The following ARHGEF10L variants were observed in gnomAD, a reference collection of about 807,000 sequenced individuals.
ARHGEF10L encodes the protein Rho guanine nucleotide exchange factor 10 like.
A neutral mutation model predicts 141.2 loss-of-function variants in ARHGEF10L; 69 were observed. That is an observed-to-expected ratio of 0.49 (90% CI 0.40 to 0.60). ARHGEF10L has a LOEUF of 0.60. Among genes scored for constraint, ARHGEF10L ranks in the 20% least tolerant of loss-of-function variants. The pLI is 0.00. For synonymous variants in ARHGEF10L, 711 were observed against 718.5 expected (o/e 0.99, Z 0.17); for missense variants, 1,482 against 1,734.3 (o/e 0.85, Z 2.58).
At chr1:17,648,800 A>C in intron 22 of ARHGEF10L, 125 bp downstream of exon 22, 1 of 1,350,716 alleles carries the variant, frequency 7.4e-7, no homozygotes, top group Non-Finnish European at 9.8e-7. Flanking sequence ...TGTGGCTTCT[A>C]AATTCTTACT....
chr1:17,536,643 T>C (rs980809794), upstream of ARHGEF10L, among the ~76,000 whole-genome samples: 1 of 152,164 alleles, frequency 6.6e-6, no homozygotes, highest in Non-Finnish European at 1.5e-5. Context: ...TGTCACTCTT[T>C]CTCGCCAGAG....
chr1:17,643,527 C>T (rs2061432830), intron 21 of ARHGEF10L, among the ~76,000 whole-genome samples: 1 of 152,190 alleles, frequency 6.6e-6, no homozygotes, highest in African/African-American at 2.4e-5. Context: ...CATTCTTTGG[C>T]ACACAGGAAG....
intron 4 of ARHGEF10L, among the ~76,000 whole-genome samples, chr1:17,594,257 C>T (rs1333574006): frequency 6.6e-6 from 1 of 152,036 alleles, no homozygotes; most frequent in Non-Finnish European, 1.5e-5. Flanking sequence ...AATCTGCATT[C>T]TAGAGATGTG....
In ARHGEF10L at chr1:17,639,743, C is replaced by G; in HGVS notation, c.2172-459C>G. On this transcript the variant is annotated intron_variant, in intron 20 of 28. Transcript: ENST00000361221. This position sits in a 1 kb window ranked among gnomAD's most constrained non-coding sequence, Gnocchi z 4.3. ...TGATTCATTCATTTCTTCATTCATT[C>G]CTGTGTCCACTCAGCAAACATTTAC... The G allele has an allele frequency of 4.9e-6, 4 of 810,084 alleles. No homozygotes were observed. The South Asian group carries it at 5.6e-5, about 11-fold the overall frequency. The allele number at this position is 810,084 out of a possible 1,614,324, so 50.2% of individuals were successfully genotyped here. A position where few individuals can be genotyped will look rare whatever the true frequency, so the allele number is the denominator to read the frequency against.
chr1:17,565,018 G>A (rs1557713314), intron 1 of ARHGEF10L, among the ~76,000 whole-genome samples: 1 of 152,182 alleles, frequency 6.6e-6, no homozygotes. Flanking sequence ...GTAACGAAAT[G>A]CCGTGACTCT....
chr1:17,648,210 T>C (rs1296967157), intron 21 of ARHGEF10L, among the ~76,000 whole-genome samples: 3 of 152,216 alleles, frequency 2.0e-5, no homozygotes, highest in Non-Finnish European at 4.4e-5. Flanking sequence ...TATTATTTCA[T>C]TTGGTCCTCA....
intron 25 of ARHGEF10L, among the ~76,000 whole-genome samples, chr1:17,657,433 C>T (rs1281086302): frequency 2.0e-5 from 3 of 152,164 alleles, no homozygotes; most frequent in Admixed American, 1.3e-4. Flanking sequence ...TGTTCAGCCC[C>T]GATTTGATGA....
At chr1:17,642,045 T>C (rs1042852844) in intron 21 of ARHGEF10L, among the ~76,000 whole-genome samples, 3 of 150,416 alleles carry the variant, frequency 2.0e-5, no homozygotes, top group South Asian at 4.2e-4. Flanking sequence ...TTTTCATTAA[T>C]GGAAAAAACT....
Position 17,656,721 on chromosome 1 carries a change from G to A in ARHGEF10L, c.2860+13G>A. 6.2e-7 allele frequency: 1 copy of A among 1,606,822 alleles called. No individual in the cohort carries two copies. Among genetic ancestry groups the A allele is most frequent in the South Asian group, 1.1e-5 (1 of 90,406 alleles). On this transcript the variant is annotated intron_variant, in intron 25 of 28. Coordinates refer to ENST00000361221, the MANE Select transcript of ARHGEF10L (RefSeq NM_018125.4). This position sits in a 1 kb window ranked among gnomAD's most constrained non-coding sequence, Gnocchi z 4.9. ...CCTCGGACCAGCGGTGAGGACTGGG[G>A]GGAATGGGGGAAGGGGGGCAGTCCT...
chr1:17,648,540 T>C lies in ARHGEF10L; in HGVS notation c.2273-14T>C, dbSNP rs985778518. On this transcript the variant is annotated splice_polypyrimidine_tract_variant and intron_variant, in intron 21 of 28. Transcript: ENST00000361221. ...CTCTGACCAGCTCTACCCACCTCCT[T>C]CCTCTTGCTGTAGGGGAGGAGAACC... 8.7e-6 allele frequency: 14 copies of C among 1,613,272 alleles called. No individual in the cohort carries two copies. The highest frequency in any genetic ancestry group is 1.3e-5 in the African/African-American group (1 of 74,906).
At chr1:17,655,793 G>T in intron 23 of ARHGEF10L, 86 bp from the exon 24 acceptor site, 2 of 1,233,720 alleles carry the variant, frequency 1.6e-6, no homozygotes, top group South Asian at 1.4e-5. Context: ...CAGGGGATGG[G>T]GTCCTTGGGA....
chr1:17,531,891 C>A, the ARHGEF10L span, among the ~76,000 whole-genome samples: 320 of 152,326 alleles, frequency 2.1e-3, 1 homozygote, highest in African/African-American at 7.3e-3. Context: ...CCTCCCCGCC[C>A]TGGGCAGTGA....
At chr1:17,630,937 T>A (rs1025423174) in intron 15 of ARHGEF10L, among the ~76,000 whole-genome samples, 1 of 149,796 alleles carries the variant, frequency 6.7e-6, no homozygotes, top group Non-Finnish European at 1.5e-5. Context: ...TTTTTCTCTC[T>A]GGGGAGGCTC....
At chr1:17,596,859 C>T (rs748858063) in intron 4 of ARHGEF10L, among the ~76,000 whole-genome samples, 5 of 152,206 alleles carry the variant, frequency 3.3e-5, no homozygotes, top group Non-Finnish European at 4.4e-5. Context: ...CAAGACCAGC[C>T]TGGCCAACAT....
rs774983361 is a variant in ARHGEF10L, at chr1:17,664,417, C to T, written c.2861-30C>T. The T allele has an allele frequency of 8.8e-6, 14 of 1,594,680 alleles. No homozygotes were observed. In the East Asian group the frequency reaches 2.9e-4, roughly 33 times the overall value. On this transcript the variant is annotated intron_variant, in intron 25 of 28. Transcript: ENST00000361221. ...AGGAGACCTGCTTGCCGCTCCTGGCCCCTGACCTGCCTCCCCTCTCTCCCT... is the reference window on the plus strand; with the variant it reads ...AGGAGACCTGCTTGCCGCTCCTGGCTCCTGACCTGCCTCCCCTCTCTCCCT...
chr1:17,578,189 C>G (rs935048387), intron 1 of ARHGEF10L, among the ~76,000 whole-genome samples: 1 of 152,150 alleles, frequency 6.6e-6, no homozygotes, highest in Non-Finnish European at 1.5e-5. Flanking sequence ...GGCAGCAGAG[C>G]CCTCAGAGAA....
the ARHGEF10L span, among the ~76,000 whole-genome samples, chr1:17,526,540 C>T: frequency 6.6e-6 from 1 of 152,168 alleles, no homozygotes; most frequent in South Asian, 2.1e-4. Context: ...ACCTGGTGCA[C>T]AGCAAATGCT....
At chr1:17,548,362 A>C (rs141483274) in intron 1 of ARHGEF10L, among the ~76,000 whole-genome samples, 525 of 152,334 alleles carry the variant, frequency 3.4e-3, no homozygotes, top group Non-Finnish European at 6.4e-3. Context: ...ACATTTTAAC[A>C]AAGGGCGATA....
At chr1:17,640,691 A>G (rs1028133085) in intron 21 of ARHGEF10L, among the ~76,000 whole-genome samples, 1 of 152,216 alleles carries the variant, frequency 6.6e-6, no homozygotes, top group Non-Finnish European at 1.5e-5. Flanking sequence ...TGACTACACC[A>G]AAAATCAGTG....
Sources: allele counts gnomAD v4.1 joint callset (sites outside exome capture counted in the v4.1 genomes callset), GRCh38; gene constraint gnomAD v4.1.1; non-coding constraint Gnocchi (gnomAD v3.1); transcripts MANE v1.5; gene names NCBI Gene and HGNC (gene_info 2026-07-23, HGNC 2026-07-21).